CREBBP: variants seen among roughly 807,000 people sequenced by gnomAD.
The protein encoded by CREBBP is CREB-binding protein.
In CREBBP, 19 loss-of-function variants were observed where a neutral mutation model predicts 265.0. That is an observed-to-expected ratio of 0.07 (90% CI 0.05 to 0.11). The LOEUF (loss-of-function observed/expected upper bound fraction) is 0.11. Ranked by LOEUF, CREBBP falls within the 10% of genes least tolerant of loss-of-function variation. The pLI, the probability that CREBBP is intolerant of heterozygous loss-of-function variation, is 1.00. For missense variants in CREBBP, 2,525 were observed against 3,219.0 expected (o/e 0.78, Z 5.22); for synonymous variants, 1,457 against 1,223.7 (o/e 1.19, Z -3.98).
chr16:3,783,871 C>T (rs1225217156), intron 5 of CREBBP, among the ~76,000 whole-genome samples: 2 of 152,208 alleles, frequency 1.3e-5, no homozygotes, highest in African/African-American at 2.4e-5. Flanking sequence ...AGAGACAACT[C>T]CAAACTTGCA....
rs73503928 is a variant in CREBBP, at chr16:3,855,308, C to T, written c.86-4299G>A. ...AGACAGAGTCTTGCTCTGTTGCCCA[C>T]GCTAGATGGAGTGCAGTGGCACGAT... On this transcript the variant is annotated intron_variant, in intron 1 of 30. Transcript: ENST00000262367. Among the ~76,000 whole-genome samples the T allele has an allele frequency of 3.8e-3, 578 of 152,300 alleles. 6 individuals are homozygous for T. Among genetic ancestry groups the T allele is most frequent in the African/African-American group, 0.013 (548 of 41,556 alleles).
At chr16:3,757,468 A>T (rs2052614032) in intron 18 of CREBBP, 92 bp from the exon 19 acceptor site, 1 of 1,125,686 alleles carries the variant, frequency 8.9e-7, no homozygotes, top group Non-Finnish European at 1.3e-6. Context: ...CTAGTAAATT[A>T]TTTCTGTTAG....
chr16:3,734,536 C>T (rs987141774), intron 28 of CREBBP, among the ~76,000 whole-genome samples: 2 of 152,180 alleles, frequency 1.3e-5, no homozygotes, highest in African/African-American at 4.8e-5. Flanking sequence ...CTGTCTCGGA[C>T]GCGGTAACCT....
At chr16:3,848,995 A>AC (rs2054726105) in intron 2 of CREBBP, among the ~76,000 whole-genome samples, 3 of 152,182 alleles carry the variant, frequency 2.0e-5, no homozygotes, top group Non-Finnish European at 4.4e-5. Flanking sequence ...TCCGTCACCC[A>AC]ACGCTCTCAT....
chr16:3,873,422 A>G (rs1344745290), intron 1 of CREBBP, among the ~76,000 whole-genome samples: 1 of 152,194 alleles, frequency 6.6e-6, no homozygotes, highest in Non-Finnish European at 1.5e-5. Context: ...GAGGTGCTAC[A>G]CTATCACACG....
At chr16:3,768,692 T>C (rs930999625) in intron 15 of CREBBP, among the ~76,000 whole-genome samples, 2 of 152,200 alleles carry the variant, frequency 1.3e-5, no homozygotes, top group African/African-American at 4.8e-5. Context: ...GGCACAATGC[T>C]GAAAGCATCT....
In CREBBP at chr16:3,770,590, C is replaced by T. The variant is rs373284909; in HGVS notation, c.2860G>A (p.Ala954Thr). 71 of 1,613,310 alleles carry T rather than the reference C, an allele frequency of 4.4e-5. No individual in the cohort carries two copies. The highest frequency in any genetic ancestry group is 5.4e-5 in the Non-Finnish European group (64 of 1,180,004). The change falls in exon 14 of 31, where the codon GCC becomes ACC. Residue 954 changes from alanine (A) to threonine (T), a missense_variant. Around this residue, in one of 19 missense-constraint regions of CREBBP, gnomAD observed 548 missense variants for 533.0 expected, o/e 1.03. Coordinates refer to ENST00000262367, the MANE Select transcript of CREBBP (RefSeq NM_004380.3). ...CTTACCGGTGTGCCAGGAGGCTGGG[C>T]GTGCACAGGCGTCGGCTGTTGCTGC... ...SSQQQPTPVH[A>T]QPPGTPLSQA...
chr16:3,851,860 CAAAAAAAA>C (rs1159688899), intron 1 of CREBBP, among the ~76,000 whole-genome samples: 1 of 28,964 alleles, frequency 3.5e-5, no homozygotes, highest in Admixed American at 4.1e-4. Context: ...GACTCCGTCT[CAAAAAAAA>C]AAAAAAAAAA....
chr16:3,779,885 CT>C (rs2053232652), intron 8 of CREBBP, among the ~76,000 whole-genome samples: 1 of 152,084 alleles, frequency 6.6e-6, no homozygotes, highest in Non-Finnish European at 1.5e-5. Flanking sequence ...AAGAGGATTA[CT>C]TGAGGCCAGG....
intron 2 of CREBBP, among the ~76,000 whole-genome samples, chr16:3,811,783 C>T (rs568287081): frequency 2.6e-5 from 4 of 152,120 alleles, no homozygotes; most frequent in South Asian, 2.1e-4. Flanking sequence ...CATGAGCCAC[C>T]GTGCCCGGCC....
intron 2 of CREBBP, among the ~76,000 whole-genome samples, chr16:3,828,383 T>C (rs1296718): frequency 0.98 from 149,137 of 152,356 alleles, 73,065 homozygotes; most frequent in Middle Eastern, 1. Flanking sequence ...TGAGCCACCA[T>C]GCCCGTCGAA....
In CREBBP at chr16:3,850,567, G is replaced by A. The variant is rs2141492511; in HGVS notation, c.528C>T (p.Cys176=). 1.2e-6 allele frequency: 2 copies of A among 1,614,236 alleles called. No individual in the cohort carries two copies. The highest frequency in any genetic ancestry group is 1.7e-6 in the Non-Finnish European group (2 of 1,180,038). The change falls in exon 2 of 31, where the codon TGC becomes TGT. Residue 176 remains cysteine, a synonymous_variant. Coordinates refer to ENST00000262367, the MANE Select transcript of CREBBP (RefSeq NM_004380.3). ...GGGTCTGGTTAAAGTTAGCATTCATGCAGATACCAGGTCCAGTCTGTGACG... is the reference window on the plus strand; with the variant it reads ...GGGTCTGGTTAAAGTTAGCATTCATACAGATACCAGGTCCAGTCTGTGACG... ...PATSQTGPGI[C]MNANFNQTHP...
At chr16:3,823,645 G>A (rs150232549) in intron 2 of CREBBP, among the ~76,000 whole-genome samples, 3 of 152,246 alleles carry the variant, frequency 2.0e-5, no homozygotes, top group South Asian at 2.1e-4. Flanking sequence ...TACCACAAAG[G>A]TACAATGATC....
In CREBBP at chr16:3,745,567, C is replaced by A; in HGVS notation, c.3837-213G>T. The A allele has an allele frequency of 5.2e-6, 3 of 579,234 alleles. No homozygotes were observed. In the South Asian group the frequency reaches 6.0e-5, roughly 11 times the overall value. The allele number at this position is 579,234 out of a possible 1,614,324, so 35.9% of individuals were successfully genotyped here. ...AGCTTTCTTCTTTTGTTTGTACAAGCGCTTCATTCCTCTTTTCTCCCAATC... is the reference window on the plus strand; with the variant it reads ...AGCTTTCTTCTTTTGTTTGTACAAGAGCTTCATTCCTCTTTTCTCCCAATC... On this transcript the variant is annotated intron_variant, in intron 21 of 30. Transcript: ENST00000262367.
In CREBBP at chr16:3,791,968, C is replaced by A; in HGVS notation, c.1330+13G>T. 1 of 1,593,602 alleles carries A rather than the reference C, an allele frequency of 6.3e-7. No individual in the cohort carries two copies. The highest frequency in any genetic ancestry group is 1.1e-5 in the South Asian group (1 of 90,684). ...TCTCATCTCCAAGCTTCTCTGCCCC[C>A]GTGCTCACTTACTTTGTTGGTTTCG... On this transcript the variant is annotated intron_variant, in intron 5 of 30. Coordinates refer to ENST00000262367, the MANE Select transcript of CREBBP (RefSeq NM_004380.3).
intron 3 of CREBBP, among the ~76,000 whole-genome samples, chr16:3,798,910 C>T (rs1316888452): frequency 1.3e-5 from 2 of 152,096 alleles, no homozygotes; most frequent in Non-Finnish European, 1.5e-5. Flanking sequence ...TTACAAATAG[C>T]CAAAAAGTGG....
chr16:3,778,633 G>T, intron 9 of CREBBP, 67 bp downstream of exon 9: 2 of 1,265,868 alleles, frequency 1.6e-6, no homozygotes, highest in Non-Finnish European at 2.3e-6. Context: ...AGATAACAAA[G>T]CAGACAAATG....
chr16:3,738,273 A>G (rs1751357181), intron 26 of CREBBP, among the ~76,000 whole-genome samples: 1 of 151,872 alleles, frequency 6.6e-6, no homozygotes, highest in Non-Finnish European at 1.5e-5. Flanking sequence ...ATATCCAAAA[A>G]AGGGGAATTC....
chr16:3,859,786 C>T (rs1272071727), intron 1 of CREBBP, among the ~76,000 whole-genome samples: 4 of 152,194 alleles, frequency 2.6e-5, no homozygotes. Flanking sequence ...AAGAGTGGCA[C>T]ACCTGGACGG....
Sources: gnomAD v4.1 joint callset for allele counts (sites outside exome capture counted in the v4.1 genomes callset) on GRCh38, gnomAD v4.1.1 for gene constraint, gnomAD v4.1.1 regional missense constraint, MANE v1.5 for transcripts, NCBI Gene and HGNC (gene_info 2026-07-23, HGNC 2026-07-21) for gene names.